Variants in DOCK1 observed in about 807,000 individuals in gnomAD.
The protein encoded by DOCK1 is dedicator of cytokinesis 1.
Under a neutral mutation model 262.7 loss-of-function variants are expected in DOCK1, and 138 were observed. The ratio of observed to expected loss-of-function variants is 0.53; its 90% CI spans 0.46 to 0.61. DOCK1 has a LOEUF of 0.61. Among genes scored for constraint, DOCK1 ranks in the 20% least tolerant of loss-of-function variants. The pLI is 0.00. For synonymous variants in DOCK1, 866 were observed against 867.4 expected (o/e 1.00, Z 0.03); for missense variants, 1,908 against 2,370.7 (o/e 0.80, Z 4.05).
intron 27 of DOCK1, among the ~76,000 whole-genome samples, chr10:127,206,136 C>CTTTTTTTTTTTTTTTTTTTT (rs34450374): frequency 1.3e-5 from 1 of 78,622 alleles, no homozygotes; most frequent in African/African-American, 4.9e-5. Context: ...TTCTTCTTCT[C>CTTTTTTTTTTTTTTTTTTTT]TTTTTTTTTT....
chr10:127,157,559 A>G (rs1049642848), intron 27 of DOCK1, among the ~76,000 whole-genome samples: 1 of 152,152 alleles, frequency 6.6e-6, no homozygotes, highest in Admixed American at 6.5e-5. Context: ...TTTATTTACA[A>G]CCCAGCCCAA....
intron 1 of DOCK1, among the ~76,000 whole-genome samples, chr10:126,939,876 G>A (rs975662482): frequency 0.029 from 4,384 of 152,198 alleles, 241 homozygotes; most frequent in African/African-American, 0.1. Context: ...TAAGTGTGAC[G>A]CATGTCCCCA....
At chr10:127,274,598 C>G (rs1277325535) in intron 29 of DOCK1, among the ~76,000 whole-genome samples, 1 of 152,114 alleles carries the variant, frequency 6.6e-6, no homozygotes, top group Non-Finnish European at 1.5e-5. Flanking sequence ...CCACATGAAC[C>G]TGTACAAACT....
Position 127,176,468 on chromosome 10 carries a change from A to C in DOCK1, c.2847+48704A>C. The C allele has an allele frequency of 3.0e-6, 4 of 1,336,848 alleles. No individual in the cohort carries two copies. The South Asian group carries it at 5.5e-5, about 19-fold the overall frequency. 82.8% of individuals were successfully genotyped at this position (1,336,848 alleles called of 1,614,324 possible). A position where few individuals can be genotyped will look rare whatever the true frequency, so the allele number is the denominator to read the frequency against. ...TACACACTCAAGCACCGGCCGCACA[A>C]ACTTTTAGCCACCACGACGACTGCC... is the stretch of plus-strand genomic sequence containing the variant. On this transcript the variant is annotated intron_variant, in intron 27 of 51. Coordinates refer to ENST00000623213, the MANE Select transcript of DOCK1 (RefSeq NM_001290223.2). The surrounding 1 kb of genome is among the most constrained non-coding windows in gnomAD (Gnocchi z 4.4).
intron 27 of DOCK1, among the ~76,000 whole-genome samples, chr10:127,186,849 A>T (rs1182731464): frequency 2.0e-5 from 3 of 151,972 alleles, no homozygotes; most frequent in African/African-American, 7.2e-5. Context: ...AGAAATGCAC[A>T]GACAAACAGA....
chr10:127,332,648 CGA>C (rs1554949914), intron 29 of DOCK1, among the ~76,000 whole-genome samples: 1 of 152,158 alleles, frequency 6.6e-6, no homozygotes, highest in Non-Finnish European at 1.5e-5. Flanking sequence ...CCCAAAGACA[CGA>C]GGCAGATCCC....
intron 1 of DOCK1, among the ~76,000 whole-genome samples, chr10:126,935,853 A>G (rs1334615378): frequency 6.6e-6 from 1 of 152,252 alleles, no homozygotes; most frequent in Non-Finnish European, 1.5e-5. Context: ...TCCTTGCCAC[A>G]GGGCTGGTGC....
chr10:127,442,757 C>T (rs947331979), intron 49 of DOCK1, among the ~76,000 whole-genome samples: 5 of 152,230 alleles, frequency 3.3e-5, no homozygotes, highest in Non-Finnish European at 5.9e-5. Context: ...GCATGCTGAG[C>T]ACAGCTGGGA....
intron 25 of DOCK1, among the ~76,000 whole-genome samples, chr10:127,121,728 G>A (rs971040447): frequency 2.0e-5 from 3 of 152,172 alleles, no homozygotes; most frequent in Non-Finnish European, 4.4e-5. Flanking sequence ...ACTGGATAGT[G>A]CAGCTGTAAG....
At chr10:126,960,745 T>TATATATATATATATATATATACACATAC (rs1429186588) in intron 1 of DOCK1, among the ~76,000 whole-genome samples, 1 of 115,500 alleles carries the variant, frequency 8.7e-6, no homozygotes. Context: ...TATATATATA[T>TATATATATATATATATATATACACATAC]ACACACACAC....
chr10:127,445,202 G>A (rs1310300262), intron 50 of DOCK1, among the ~76,000 whole-genome samples: 1 of 152,156 alleles, frequency 6.6e-6, no homozygotes, highest in African/African-American at 2.4e-5. Context: ...ATCTTGGCAG[G>A]GAGAAGGTGC....
chr10:127,289,712 G>C (rs915074908), intron 29 of DOCK1, among the ~76,000 whole-genome samples: 1 of 151,930 alleles, frequency 6.6e-6, no homozygotes, highest in Non-Finnish European at 1.5e-5. Flanking sequence ...ATGTTTTTTG[G>C]TTTGTTTCTA....
intron 27 of DOCK1, among the ~76,000 whole-genome samples, chr10:127,181,471 G>A (rs953697429): frequency 6.6e-6 from 1 of 152,192 alleles, no homozygotes; most frequent in African/African-American, 2.4e-5. Flanking sequence ...GCAGCTGCCA[G>A]TCTGACCGAG....
chr10:127,237,162 C>A (rs2059101294), intron 27 of DOCK1, among the ~76,000 whole-genome samples: 1 of 151,978 alleles, frequency 6.6e-6, no homozygotes, highest in South Asian at 2.1e-4. Context: ...AGTTTGAGAC[C>A]AGCCTGGCCA....
chr10:127,244,976 A>G (rs1027439759), intron 27 of DOCK1, among the ~76,000 whole-genome samples: 3 of 152,184 alleles, frequency 2.0e-5, no homozygotes, highest in African/African-American at 7.2e-5. Flanking sequence ...CACAGAATTA[A>G]AGTTTTATTT....
chr10:126,990,349 T>G, intron 5 of DOCK1, 106 bp from the exon 6 acceptor site: 1 of 1,114,262 alleles, frequency 9.0e-7, no homozygotes, highest in South Asian at 2.1e-5. Context: ...AATCTCATGA[T>G]CTAGTGCTTA....
intron 27 of DOCK1, among the ~76,000 whole-genome samples, chr10:127,200,510 C>T (rs553333870): frequency 2.3e-4 from 35 of 152,094 alleles, no homozygotes; most frequent in Non-Finnish European, 4.9e-4. Flanking sequence ...CCTCCATCTC[C>T]CATGTTCAAG....
At chr10:127,151,931 T>A (rs537462980) in intron 27 of DOCK1, among the ~76,000 whole-genome samples, 1 of 152,342 alleles carries the variant, frequency 6.6e-6, no homozygotes, top group Admixed American at 6.5e-5. Context: ...TCACTTTTAA[T>A]GTCACTTTTT....
At chr10:127,181,339 G>A (rs1306267034) in intron 27 of DOCK1, among the ~76,000 whole-genome samples, 2 of 152,196 alleles carry the variant, frequency 1.3e-5, no homozygotes, top group African/African-American at 2.4e-5. Context: ...AGGCAATTTT[G>A]TGGGGTTCCA....
Sources: allele counts gnomAD v4.1 joint callset (sites outside exome capture counted in the v4.1 genomes callset), GRCh38; gene constraint gnomAD v4.1.1; non-coding constraint Gnocchi (gnomAD v3.1); transcripts MANE v1.5; gene names NCBI Gene and HGNC (gene_info 2026-07-23, HGNC 2026-07-21).